Variants in REV3L observed in about 807,000 individuals in gnomAD.
The protein encoded by REV3L is REV3 like, DNA directed polymerase zeta catalytic subunit.
In REV3L, 69 loss-of-function variants were observed where a neutral mutation model predicts 299.4. The ratio of observed to expected loss-of-function variants is 0.23; its 90% CI spans 0.19 to 0.28. The LOEUF (loss-of-function observed/expected upper bound fraction) is 0.28, where lower values mean the gene tolerates loss of function less well. Among genes scored for constraint, REV3L ranks in the 10% least tolerant of loss-of-function variants. The probability of loss-of-function intolerance (pLI) is 1.00; values close to 1 mark genes in which losing one functional copy is unlikely to be tolerated. For synonymous variants in REV3L, 1,238 were observed against 1,271.4 expected (o/e 0.97, Z 0.56); for missense variants, 3,128 against 3,693.8 (o/e 0.85, Z 3.97).
rs1378427935 is a variant in REV3L, at chr6:111,429,737, C to G, written c.140-13265G>C. Among the ~76,000 whole-genome samples the G allele has an allele frequency of 4.6e-5, 7 of 152,278 alleles. No homozygotes were observed. The East Asian group carries it at 1.4e-3, about 29-fold the overall frequency. On this transcript the variant is annotated intron_variant, in intron 1 of 31. Transcript: ENST00000368802. Reference sequence around the variant, plus strand: ...GCCTCGCGGGCCCCGCTCCCGCCCTCGGCTCGCCTGGCCCAGACCGGAAGC... The same window carrying G: ...GCCTCGCGGGCCCCGCTCCCGCCCTGGGCTCGCCTGGCCCAGACCGGAAGC...
intron 26 of REV3L, among the ~76,000 whole-genome samples, chr6:111,322,275 A>G (rs1321185227): frequency 6.6e-6 from 1 of 152,198 alleles, no homozygotes; most frequent in East Asian, 1.9e-4. Context: ...GTTTCTTTAA[A>G]TAAACTAGAC....
At chr6:111,358,791 C>A in intron 17 of REV3L, 31 bp downstream of exon 17, 1 of 1,520,464 alleles carries the variant, frequency 6.6e-7, no homozygotes, top group Non-Finnish European at 9.0e-7. Flanking sequence ...CTAGAGTGGG[C>A]AGGTATATCA....
chr6:111,338,922 A>C (rs570255045), intron 21 of REV3L, among the ~76,000 whole-genome samples: 1 of 152,268 alleles, frequency 6.6e-6, no homozygotes, highest in East Asian at 1.9e-4. Context: ...CTTTGGAGTG[A>C]GATAGTCGTA....
intron 1 of REV3L, among the ~76,000 whole-genome samples, chr6:111,451,116 A>G (rs1014933427): frequency 6.6e-6 from 1 of 152,232 alleles, no homozygotes; most frequent in Non-Finnish European, 1.5e-5. Context: ...TTCTAAGTGT[A>G]AGAAGCCAAA....
chr6:111,308,644 G>A (rs1772610850), intron 30 of REV3L, among the ~76,000 whole-genome samples: 1 of 152,140 alleles, frequency 6.6e-6, no homozygotes, highest in Admixed American at 6.5e-5. Flanking sequence ...GGTTTCTTCA[G>A]GGCTGTGTCT....
chr6:111,438,272 C>T (rs1317536062), intron 1 of REV3L, among the ~76,000 whole-genome samples: 1 of 151,964 alleles, frequency 6.6e-6, no homozygotes, highest in East Asian at 1.9e-4. Context: ...AGAGAAAATG[C>T]ATTCATTAAA....
intron 1 of REV3L, among the ~76,000 whole-genome samples, chr6:111,426,003 G>A (rs1203557441): frequency 6.6e-6 from 1 of 152,116 alleles, no homozygotes; most frequent in Non-Finnish European, 1.5e-5. Context: ...AAAACGTTTG[G>A]ATTCTTTTAA....
chr6:111,396,354 G>T (rs1782505193), intron 4 of REV3L, among the ~76,000 whole-genome samples: 1 of 150,166 alleles, frequency 6.7e-6, no homozygotes. Flanking sequence ...TGATCATGGT[G>T]TATTTTTTTT....
intron 30 of REV3L, chr6:111,308,192 A>G (rs1217991709): frequency 1.9e-5 from 8 of 431,504 alleles, no homozygotes; most frequent in Non-Finnish European, 3.7e-5. Context: ...TCATTGATGG[A>G]CATTTGGGTT....
intron 2 of REV3L, among the ~76,000 whole-genome samples, chr6:111,413,870 G>T (rs1219590363): frequency 6.6e-6 from 1 of 152,018 alleles, no homozygotes. Context: ...GCTGTTTGGA[G>T]ACTTAACTTT....
chr6:111,463,175 G>A (rs1288631487), intron 1 of REV3L, among the ~76,000 whole-genome samples: 2 of 152,196 alleles, frequency 1.3e-5, no homozygotes, highest in African/African-American at 2.4e-5. Context: ...ATAAGTACCA[G>A]TATTTACAAT....
chr6:111,416,238 T>C (rs531935145), intron 2 of REV3L, 45 bp downstream of exon 2: 8 of 1,325,136 alleles, frequency 6.0e-6, no homozygotes, highest in Admixed American at 4.6e-5. Context: ...CTAAATAGAA[T>C]AGCAACATAA....
At chr6:111,419,716 T>G (rs1007220694) in intron 1 of REV3L, among the ~76,000 whole-genome samples, 3 of 152,250 alleles carry the variant, frequency 2.0e-5, no homozygotes, top group Admixed American at 6.5e-5. Flanking sequence ...AATTAAGAAC[T>G]TGTGACTTCA....
intron 1 of REV3L, chr6:111,472,083 A>C: frequency 8.0e-7 from 1 of 1,254,312 alleles, no homozygotes; most frequent in Non-Finnish European, 1.0e-6. Context: ...TAAAACAAAT[A>C]ATATGATGAC....
chr6:111,416,358 C>T lies in REV3L; in HGVS notation c.254G>A (p.Arg85Lys). The T allele has an allele frequency of 6.2e-7, 1 of 1,613,802 alleles. No individual in the cohort carries two copies. Among genetic ancestry groups the T allele is most frequent in the Non-Finnish European group, 8.5e-7 (1 of 1,179,768 alleles). The change falls in exon 2 of 32, where the codon AGA becomes AAA. Residue 85 changes from arginine to lysine, a missense_variant. Arg to Lys is a conservative substitution (Grantham distance 26, BLOSUM62 2). Coordinates refer to ENST00000368802, the MANE Select transcript of REV3L (RefSeq NM_001372078.1). The stretch of plus-strand genomic sequence containing the variant: ...ATTGCCTAAAGCCACATTAAGTGCT[C>T]TGTCGATACTGAATGCCATCTGAGA... ...YLSQMAFSIDRALNVALGNPS... is the reference protein window; with the variant it reads ...YLSQMAFSIDKALNVALGNPS...
intron 1 of REV3L, 33 bp downstream of exon 1, chr6:111,482,717 C>A (rs755224783): frequency 8.0e-7 from 1 of 1,255,934 alleles, no homozygotes; most frequent in Non-Finnish European, 1.0e-6. Context: ...CCCGCCGACT[C>A]CCGCTCCCGC....
At chr6:111,388,598 C>T (rs983521812) in intron 7 of REV3L, among the ~76,000 whole-genome samples, 52 of 152,230 alleles carry the variant, frequency 3.4e-4, no homozygotes, top group African/African-American at 1.2e-3. Flanking sequence ...TAAACCCCCT[C>T]GAATTCTTTT....
rs190528006 is a variant in REV3L at position 111,303,192 on chromosome 6, G to C, written c.9253-3036C>G. On this transcript the variant is annotated intron_variant, in intron 31 of 31. Coordinates refer to ENST00000368802, the MANE Select transcript of REV3L (RefSeq NM_001372078.1). ...TTTTTTTTTTTTTTTTGAGATGAGAGAGAGCGTCTCATTCTGTTGCCCAGG... is the reference window on the plus strand; with the variant it reads ...TTTTTTTTTTTTTTTTGAGATGAGACAGAGCGTCTCATTCTGTTGCCCAGG... Among the ~76,000 whole-genome samples, 40 of 70,748 alleles carry C rather than the reference G, an allele frequency of 5.7e-4. No homozygotes were observed. In the East Asian group the frequency reaches 9.6e-3, roughly 17 times the overall value. 46.4% of individuals were successfully genotyped at this position (70,748 alleles called of 152,430 possible). A position where few individuals can be genotyped will look rare whatever the true frequency, so the allele number is the denominator to read the frequency against.
intron 1 of REV3L, among the ~76,000 whole-genome samples, chr6:111,467,179 C>T (rs139958634): frequency 1.3e-3 from 192 of 152,274 alleles, no homozygotes; most frequent in African/African-American, 4.4e-3. Context: ...TATTAAATTA[C>T]TCAAAACATA....
Sources: gnomAD v4.1 joint callset for allele counts (sites outside exome capture counted in the v4.1 genomes callset) on GRCh38, gnomAD v4.1.1 for gene constraint, MANE v1.5 for transcripts, NCBI Gene and HGNC (gene_info 2026-07-23, HGNC 2026-07-21) for gene names.